The following PKP2 variants were observed in gnomAD, a reference collection of about 807,000 sequenced individuals.
PKP2 encodes plakophilin-2.
A neutral mutation model predicts 83.4 loss-of-function variants in PKP2; 73 were observed. The observed-to-expected ratio is 0.88, with a 90% CI of 0.72 to 1.06. The LOEUF is 1.06. Ranked by LOEUF, PKP2 falls within the 50% of genes least tolerant of loss-of-function variation. PKP2 has a pLI of 0.00. For missense variants in PKP2, 966 were observed against 1,065.4 expected (o/e 0.91, Z 1.30); for synonymous variants, 409 against 430.4 (o/e 0.95, Z 0.62).
Position 32,843,272 on chromosome 12 carries a change from C to T in PKP2, c.1379-2067G>A, listed in dbSNP as rs138538072. On this transcript the variant is annotated intron_variant, in intron 5 of 12. Coordinates refer to ENST00000340811, the MANE Select transcript of PKP2 (RefSeq NM_001005242.3). Reference sequence around the variant, plus strand: ...CTGGGATTACAGGCGTGAGCCACCGCGCCCGGCCAGCCATTCCTACTTCTT... The same window carrying T: ...CTGGGATTACAGGCGTGAGCCACCGTGCCCGGCCAGCCATTCCTACTTCTT... 1.6e-4 allele frequency: 220 copies of T among 1,337,562 alleles called. No homozygotes were observed. The African/African-American group carries it at 2.5e-3, about 15-fold the overall frequency. The allele number at this position is 1,337,562 out of a possible 1,614,324, so 82.9% of individuals were successfully genotyped here.
At chr12:32,892,818 C>CAG (rs1957085527) in intron 1 of PKP2, among the ~76,000 whole-genome samples, 2 of 20,100 alleles carry the variant, frequency 1.0e-4, no homozygotes, top group Non-Finnish European at 2.1e-4. Flanking sequence ...GGGGTGGGGG[C>CAG]GGGGGGGGGG....
At chr12:32,805,240 C>A (rs1956217089) in intron 9 of PKP2, among the ~76,000 whole-genome samples, 1 of 151,882 alleles carries the variant, frequency 6.6e-6, no homozygotes, top group Non-Finnish European at 1.5e-5. Flanking sequence ...ACATTTTCTC[C>A]CATTTTGTAG....
At chr12:32,815,723 G>A (rs112859213) in intron 9 of PKP2, among the ~76,000 whole-genome samples, 2 of 152,130 alleles carry the variant, frequency 1.3e-5, no homozygotes, top group Non-Finnish European at 2.9e-5. Context: ...ATATAATAAA[G>A]AGCATTAATG....
chr12:32,819,400 C>T (rs1956354908), intron 9 of PKP2, among the ~76,000 whole-genome samples: 1 of 152,116 alleles, frequency 6.6e-6, no homozygotes, highest in Admixed American at 6.5e-5. Context: ...TATAAATCTC[C>T]AATCAAGTCC....
chr12:32,825,054 C>T (rs867912490), intron 6 of PKP2, among the ~76,000 whole-genome samples: 18 of 150,242 alleles, frequency 1.2e-4, no homozygotes, highest in Admixed American at 8.6e-4. Context: ...CCTCAGTCAA[C>T]AAGAATGACA....
In PKP2 at chr12:32,868,953, A is replaced by G. The variant is rs753839199; in HGVS notation, c.1144T>C (p.Phe382Leu). Residue 382 changes from phenylalanine to leucine, a missense_variant, in exon 4 of 13, where the codon TTC (phenylalanine) becomes CTC (leucine). Transcript: ENST00000340811. ...AAATFIQHEC[F>L]QKSEARKRVN... ...CTCTTCCGAGCTTCAGATTTCTGGA[A>G]GCACTCGTGCTGTATGAAAGTAGCT... The G allele has an allele frequency of 3.1e-6, 5 of 1,613,612 alleles. No homozygotes were observed. In the South Asian group the frequency reaches 5.5e-5, roughly 18 times the overall value.
intron 1 of PKP2, among the ~76,000 whole-genome samples, chr12:32,889,949 C>A (rs1340357866): frequency 6.6e-6 from 1 of 151,840 alleles, no homozygotes; most frequent in Non-Finnish European, 1.5e-5. Context: ...GTGGCACACA[C>A]CTGTAATCCC....
chr12:32,888,500 T>A lies in PKP2; in HGVS notation c.223+8009A>T, dbSNP rs185385908. ...AACCCAACTTTTCTTTTTCTTTTTT[T>A]TTTTTTGAGACAGATTTTCACTCTT... On this transcript the variant is annotated intron_variant, in intron 1 of 12. Transcript: ENST00000340811. 9.4e-3 allele frequency among the ~76,000 whole-genome samples: 1,436 copies of A among 152,180 alleles called. 9 individuals are homozygous for A. The highest frequency in any genetic ancestry group is 0.034 in the Middle Eastern group (10 of 294).
chr12:32,792,482 T>C lies in PKP2; in HGVS notation c.2456A>G (p.Lys819Arg). 2 of 1,613,750 alleles carry C rather than the reference T, an allele frequency of 1.2e-6. No homozygotes were observed. The highest frequency in any genetic ancestry group is 1.7e-6 in the Non-Finnish European group (2 of 1,179,648). The change falls in exon 13 of 13, where the codon AAG becomes AGG. Residue 819 changes from lysine (K) to arginine (R), a missense_variant. Coordinates refer to ENST00000340811, the MANE Select transcript of PKP2 (RefSeq NM_001005242.3). ...LHHAYKKAQF[K>R]KTDFVNSRTA... Reference sequence around the variant, plus strand: ...CCGGCTGTTGACAAAATCTGTCTTCTTAAACTGAGCCTTTGGAATAAGCAA... The same window carrying C: ...CCGGCTGTTGACAAAATCTGTCTTCCTAAACTGAGCCTTTGGAATAAGCAA...
chr12:32,800,788 G>A (rs889321027), intron 10 of PKP2, among the ~76,000 whole-genome samples: 1 of 152,182 alleles, frequency 6.6e-6, no homozygotes, highest in African/African-American at 2.4e-5. Context: ...AAATAGCACT[G>A]TGAGATACAA....
At position 32,792,222 on chromosome 12, in the gene PKP2, G is replaced by C; in HGVS notation, c.*202C>G. On this transcript the variant is annotated 3_prime_UTR_variant, in exon 13 of 13. Coordinates refer to ENST00000340811, the MANE Select transcript of PKP2 (RefSeq NM_001005242.3). ...ACCACTATTTGTCGAGCCTGTGGCC[G>C]GTATCTACTGGTGGCAAACTTGCAA... is the stretch of plus-strand genomic sequence containing the variant. 2 of 614,406 alleles carry C rather than the reference G, an allele frequency of 3.3e-6. No individual in the cohort carries two copies. Among genetic ancestry groups the C allele is most frequent in the South Asian group, 3.8e-5 (2 of 52,430 alleles). The allele number at this position is 614,406 out of a possible 1,614,324, so 38.1% of individuals were successfully genotyped here. A position where few individuals can be genotyped will look rare whatever the true frequency, so the allele number is the denominator to read the frequency against.
In PKP2 at chr12:32,878,406, C is replaced by T. The variant is rs767482842; in HGVS notation, c.474G>A (p.Arg158=). ...LEISPDSSPE[R]AHYTHSDYQY... is the part of the protein sequence containing the mutation. ...GGTAATCGCTGTGCGTGTAGTGAGC[C>T]CTCTCCGGGCTGCTGTCAGGAGAAA... Residue 158 remains arginine, a synonymous_variant, in exon 3 of 13, where the codon AGG becomes AGA. Coordinates refer to ENST00000340811, the MANE Select transcript of PKP2 (RefSeq NM_001005242.3). 1 of 1,614,006 alleles carries T rather than the reference C, an allele frequency of 6.2e-7. No homozygotes were observed. The highest frequency in any genetic ancestry group is 8.5e-7 in the Non-Finnish European group (1 of 1,179,978).
rs34249258 is a variant in PKP2 at position 32,819,885 on chromosome 12, A to AC, written c.2013+1470dup. Among the ~76,000 whole-genome samples the AC allele has an allele frequency of 8.8e-3, 1,269 of 144,766 alleles. 34 individuals carry two copies. Among genetic ancestry groups the AC allele is most frequent in the African/African-American group, 0.019 (718 of 38,030 alleles). 95.0% of individuals were successfully genotyped at this position (144,766 alleles called of 152,430 possible). ...ACACACACACACACACGCACACACAACCCCCCCCCCCCCATTTAATTTTCT... is the reference window on the plus strand; with the variant it reads ...ACACACACACACACACGCACACACAACCCCCCCCCCCCCCATTTAATTTTCT... On this transcript the variant is annotated intron_variant, in intron 9 of 12. Transcript: ENST00000340811.
intron 7 of PKP2, among the ~76,000 whole-genome samples, chr12:32,823,791 C>T (rs1467173976): frequency 1.3e-5 from 2 of 151,872 alleles, no homozygotes; most frequent in African/African-American, 4.8e-5. Flanking sequence ...TTAGTAGAGA[C>T]GGGGTTTCAC....
chr12:32,841,290 C>T, intron 5 of PKP2, 85 bp from the exon 6 acceptor site: 3 of 1,133,082 alleles, frequency 2.6e-6, no homozygotes, highest in Non-Finnish European at 2.7e-6. Context: ...CCATCAACTC[C>T]AGGGCTATGA....
At position 32,850,776 on chromosome 12, in the gene PKP2, T is replaced by G. The variant is rs1405730161; in HGVS notation, c.1368A>C (p.Lys456Asn). 2 of 1,612,060 alleles carry G rather than the reference T, an allele frequency of 1.2e-6. No homozygotes were observed. Among genetic ancestry groups the G allele is most frequent in the Non-Finnish European group, 1.7e-6 (2 of 1,179,436 alleles). Residue 456 changes from lysine (K) to asparagine (N), a missense_variant, in exon 5 of 13, where the codon AAA becomes AAC. Physicochemically the swap from Lys to Asn is moderately conservative, Grantham distance 94. Transcript: ENST00000340811. Reference sequence around the variant, plus strand: ...TTCAGTAAGCACTACCTGTTATTTGTTTTTTAGTCTCCAAGTCTCTGGTTT... The same window carrying G: ...TTCAGTAAGCACTACCTGTTATTTGGTTTTTAGTCTCCAAGTCTCTGGTTT... ...LKQTRDLETK[K>N]QITGLLWNLS...
intron 1 of PKP2, among the ~76,000 whole-genome samples, chr12:32,889,091 G>C (rs1957055945): frequency 6.6e-6 from 1 of 152,194 alleles, no homozygotes; most frequent in Non-Finnish European, 1.5e-5. Context: ...GATCAGAGGA[G>C]AGGGGTGAAG....
Position 32,878,491 on chromosome 12 carries a change from T to C in PKP2, c.389A>G (p.Tyr130Cys). The C allele has an allele frequency of 6.2e-7, 1 of 1,613,588 alleles. No individual in the cohort carries two copies. The highest frequency in any genetic ancestry group is 8.5e-7 in the Non-Finnish European group (1 of 1,179,774). Residue 130 changes from tyrosine (Y) to cysteine (C), a missense_variant, in exon 3 of 13, where the codon TAC (tyrosine) becomes TGC (cysteine). Transcript: ENST00000340811. ...EGRWGRGTAQ[Y>C]SSQKSVEERS... ...TTCTTCCACGGACTTCTGGGAGCTG[T>C]ACTGTGCTGTTCCTCTTCCCCAGCG...
rs1956377686 is a variant in PKP2, at chr12:32,821,494, G to T, written c.1875C>A (p.Ser625Arg). 2 of 1,613,886 alleles carry T rather than the reference G, an allele frequency of 1.2e-6. No individual in the cohort carries two copies. The highest frequency in any genetic ancestry group is 1.7e-6 in the Non-Finnish European group (2 of 1,179,980). Residue 625 changes from serine to arginine, a missense_variant, in exon 9 of 13, where the codon AGC (serine) becomes AGA (arginine). By Grantham distance (110) the Ser-to-Arg change is moderately radical. Transcript: ENST00000340811. ...ACAGCCACTCCACGCCCTTGGGGTT[G>T]CTCTTTTCCTCCGGCATCGGCACGT... ...YQDVPMPEEKSNPKGVEWLWH... is the reference protein window; with the variant it reads ...YQDVPMPEEKRNPKGVEWLWH...
Sources: allele counts gnomAD v4.1 joint callset (sites outside exome capture counted in the v4.1 genomes callset), GRCh38; gene constraint gnomAD v4.1.1; transcripts MANE v1.5; gene names NCBI Gene and HGNC (gene_info 2026-07-23, HGNC 2026-07-21).